Variants in SYT10 observed in about 807,000 individuals in gnomAD.
The protein encoded by SYT10 is synaptotagmin-10.
SYT10 carries 31 observed loss-of-function variants against 51.1 expected under a neutral mutation model. The ratio of observed to expected loss-of-function variants is 0.61; its 90% confidence interval spans 0.46 to 0.82. SYT10 has a LOEUF of 0.82. SYT10 is among the 40% of genes least tolerant of loss of function. SYT10 has a pLI of 0.00. For synonymous variants in SYT10, 233 were observed against 225.9 expected (o/e 1.03, Z -0.28); for missense variants, 603 against 634.0 (o/e 0.95, Z 0.53).
At chr12:33,391,433 C>A (rs529437735) in intron 3 of SYT10, among the ~76,000 whole-genome samples, 5 of 152,032 alleles carry the variant, frequency 3.3e-5, no homozygotes, top group African/African-American at 1.2e-4. Flanking sequence ...GAGGGGTCAG[C>A]TTATAAGGAG....
At chr12:33,434,968 A>T (rs920784642) in intron 1 of SYT10, among the ~76,000 whole-genome samples, 11 of 152,244 alleles carry the variant, frequency 7.2e-5, no homozygotes, top group African/African-American at 2.7e-4. Flanking sequence ...GTAGATTGGG[A>T]AGAATATAAT....
intron 1 of SYT10, among the ~76,000 whole-genome samples, chr12:33,435,424 T>C (rs562770470): frequency 4.1e-4 from 62 of 152,326 alleles, no homozygotes; most frequent in African/African-American, 1.2e-3. Context: ...TTGATGATCA[T>C]GTGACAATGA....
chr12:33,398,947 G>C (rs1866280562), intron 3 of SYT10, among the ~76,000 whole-genome samples: 2 of 152,200 alleles, frequency 1.3e-5, no homozygotes, highest in South Asian at 4.1e-4. Flanking sequence ...ATGTGGGTTT[G>C]TTACAGAGAC....
chr12:33,396,032 G>C (rs1355487200), intron 3 of SYT10, among the ~76,000 whole-genome samples: 2 of 152,028 alleles, frequency 1.3e-5, no homozygotes, highest in Admixed American at 1.3e-4. Flanking sequence ...TTGGGCTTCA[G>C]TTTTCTAAAC....
At chr12:33,437,300 C>G (rs771477490) in intron 1 of SYT10, among the ~76,000 whole-genome samples, 5 of 152,152 alleles carry the variant, frequency 3.3e-5, no homozygotes, top group Non-Finnish European at 5.9e-5. Flanking sequence ...TATTTTGCCT[C>G]TTAAGGGGAG....
intron 2 of SYT10, among the ~76,000 whole-genome samples, chr12:33,413,570 A>G (rs1866426661): frequency 1.3e-5 from 2 of 152,202 alleles, no homozygotes. Flanking sequence ...AGAATTTCAT[A>G]TCCAGCCAAA....
At chr12:33,407,645 A>C (rs1374605274) in intron 2 of SYT10, among the ~76,000 whole-genome samples, 1 of 152,148 alleles carries the variant, frequency 6.6e-6, no homozygotes, top group Non-Finnish European at 1.5e-5. Flanking sequence ...TTGTTCTGTC[A>C]CCCTAGCTGG....
chr12:33,419,699 C>T (rs1289875004), intron 2 of SYT10, among the ~76,000 whole-genome samples: 1 of 148,122 alleles, frequency 6.8e-6, no homozygotes, highest in Non-Finnish European at 1.5e-5. Flanking sequence ...ACATAAACAC[C>T]ATAAAAAGAG....
At chr12:33,392,343 A>C (rs1457434019) in intron 3 of SYT10, among the ~76,000 whole-genome samples, 1 of 152,190 alleles carries the variant, frequency 6.6e-6, no homozygotes, top group Non-Finnish European at 1.5e-5. Context: ...AATTTGATGG[A>C]GTACAATCAG....
At chr12:33,410,622 G>C (rs917431653) in intron 2 of SYT10, among the ~76,000 whole-genome samples, 1 of 152,176 alleles carries the variant, frequency 6.6e-6, no homozygotes, top group African/African-American at 2.4e-5. Context: ...CAGTGTTTTT[G>C]AAAGATCTCG....
rs560790536 is a variant in SYT10 at position 33,385,916 on chromosome 12, T to C, written c.1078-625A>G. Reference sequence around the variant, plus strand: ...GGATCACAACTGTAGTGGAATAAAATCCAAACTCCTTACCCTGGCATGTAA... The same window carrying C: ...GGATCACAACTGTAGTGGAATAAAACCCAAACTCCTTACCCTGGCATGTAA... On this transcript the variant is annotated intron_variant, in intron 3 of 6. Coordinates refer to ENST00000228567, the MANE Select transcript of SYT10 (RefSeq NM_198992.4). 2.6e-5 allele frequency among the ~76,000 whole-genome samples: 4 copies of C among 152,308 alleles called. No homozygotes were observed. In the South Asian group the frequency reaches 6.2e-4, roughly 24 times the overall value.
At chr12:33,426,107 C>T (rs1177104811) in intron 2 of SYT10, 31 bp downstream of exon 2, 13 of 1,548,926 alleles carry the variant, frequency 8.4e-6, no homozygotes, top group Non-Finnish European at 1.1e-5. Context: ...CACGCACACA[C>T]ACCAGTTTTA....
chr12:33,411,283 TATAAC>T (rs1866402494), intron 2 of SYT10, among the ~76,000 whole-genome samples: 1 of 151,524 alleles, frequency 6.6e-6, no homozygotes, highest in Non-Finnish European at 1.5e-5. Flanking sequence ...AAATATTATA[TATAAC>T]ATAATTATGT....
rs1217624784 is a variant in SYT10 at position 33,407,362 on chromosome 12, C to G, written c.510-6G>C. 1 of 1,598,758 alleles carries G rather than the reference C, an allele frequency of 6.3e-7. No homozygotes were observed. Among genetic ancestry groups the G allele is most frequent in the South Asian group, 1.1e-5 (1 of 90,668 alleles). On this transcript the variant is annotated splice_region_variant and splice_polypyrimidine_tract_variant and intron_variant, in intron 2 of 6. Coordinates refer to ENST00000228567, the MANE Select transcript of SYT10 (RefSeq NM_198992.4). ...GTCTTCGGAAGGAACTGTGGCTGAA[C>G]ACACACACATATACACAAAATCATT...
chr12:33,416,247 A>AT (rs985220264), intron 2 of SYT10, among the ~76,000 whole-genome samples: 7 of 151,766 alleles, frequency 4.6e-5, no homozygotes, highest in African/African-American at 7.3e-5. Flanking sequence ...CGCCCCGCTG[A>AT]TTTTTTTGTA....
intron 3 of SYT10, among the ~76,000 whole-genome samples, chr12:33,393,650 C>G (rs61927676): frequency 0.2 from 30,492 of 151,988 alleles, 3,302 homozygotes; most frequent in South Asian, 0.29. Flanking sequence ...TCAACAAAAG[C>G]CATCAATAGC....
At chr12:33,387,750 T>TTTTC (rs1440526273) in intron 3 of SYT10, among the ~76,000 whole-genome samples, 3 of 132,350 alleles carry the variant, frequency 2.3e-5, no homozygotes, top group African/African-American at 8.4e-5. Flanking sequence ...CTAACATGTT[T>TTTTC]TTTTTTTTTT....
intron 3 of SYT10, among the ~76,000 whole-genome samples, chr12:33,389,497 CTTT>C (rs1866186211): frequency 6.6e-6 from 1 of 151,902 alleles, no homozygotes; most frequent in Non-Finnish European, 1.5e-5. Flanking sequence ...AAAAAAATTT[CTTT>C]ATCTTGAGTA....
At chr12:33,378,071 TC>T (rs1289868688) in intron 6 of SYT10, among the ~76,000 whole-genome samples, 8 of 152,204 alleles carry the variant, frequency 5.3e-5, no homozygotes, top group African/African-American at 1.9e-4. Context: ...TAATGCACAA[TC>T]CAGCTAGTTC....
Sources: gnomAD v4.1 joint callset for allele counts (sites outside exome capture counted in the v4.1 genomes callset) on GRCh38, gnomAD v4.1.1 for gene constraint, MANE v1.5 for transcripts, NCBI Gene and HGNC (gene_info 2026-07-23, HGNC 2026-07-21) for gene names.